Variants in ZMYND10 observed in about 807,000 individuals in gnomAD.
The protein encoded by ZMYND10 is zinc finger MYND-type containing 10.
In ZMYND10, 52 loss-of-function variants were observed where a neutral mutation model predicts 62.6. The observed-to-expected ratio is 0.83, with a 90% CI of 0.67 to 1.05. ZMYND10 has a LOEUF of 1.05. ZMYND10 is among the 50% of genes least tolerant of loss of function. The probability of loss-of-function intolerance (pLI) is 0.00; values close to 1 mark genes in which losing one functional copy is unlikely to be tolerated. For synonymous variants in ZMYND10, 197 were observed against 218.5 expected (o/e 0.90, Z 0.87); for missense variants, 438 against 543.3 (o/e 0.81, Z 1.93).
chr3:50,345,104 T>C lies in ZMYND10; in HGVS notation c.201+20A>G. 4 of 1,610,126 alleles carry C rather than the reference T, an allele frequency of 2.5e-6. No homozygotes were observed. Among genetic ancestry groups the C allele is most frequent in the Non-Finnish European group, 3.4e-6 (4 of 1,177,750 alleles). ...GAGGTATGGGGGAAGGCAGGAACCCTGCCTGTGACCTCGGGGTACCTTCCC... is the reference window on the plus strand; with the variant it reads ...GAGGTATGGGGGAAGGCAGGAACCCCGCCTGTGACCTCGGGGTACCTTCCC... On this transcript the variant is annotated intron_variant, in intron 2 of 11. Transcript: ENST00000231749. This position sits in a 1 kb window ranked among gnomAD's most constrained non-coding sequence, Gnocchi z 5.0.
chr3:50,341,206 C>G lies in ZMYND10; in HGVS notation c.*204G>C. On this transcript the variant is annotated 3_prime_UTR_variant, in exon 12 of 12. Transcript: ENST00000231749. ...GGTTTGCTGAAGCAACACACTTGGC[C>G]TACCCACTGGGTGGGGCAGGAAGTC... 1.5e-6 allele frequency: 1 copy of G among 685,278 alleles called. No homozygotes were observed. The highest frequency in any genetic ancestry group is 2.4e-6 in the Non-Finnish European group (1 of 411,214). 42.4% of individuals were successfully genotyped at this position (685,278 alleles called of 1,614,324 possible). A position where few individuals can be genotyped will look rare whatever the true frequency, so the allele number is the denominator to read the frequency against.
chr3:50,343,627 A>G lies in ZMYND10; in HGVS notation c.319-11T>C. 6.2e-7 allele frequency: 1 copy of G among 1,614,148 alleles called. No homozygotes were observed. The highest frequency in any genetic ancestry group is 8.5e-7 in the Non-Finnish European group (1 of 1,180,024). Reference sequence around the variant, plus strand: ...GGCCTCGTGGTGCACCTGTCAGATAAAGAGAAGGACAGGGCCTGAGGAAGG... The same window carrying G: ...GGCCTCGTGGTGCACCTGTCAGATAGAGAGAAGGACAGGGCCTGAGGAAGG... On this transcript the variant is annotated splice_polypyrimidine_tract_variant and intron_variant, in intron 3 of 11. Transcript: ENST00000231749.
chr3:50,341,491 G>T lies in ZMYND10; in HGVS notation c.1248-6C>A, dbSNP rs1198493283. On this transcript the variant is annotated splice_region_variant and splice_polypyrimidine_tract_variant and intron_variant, in intron 11 of 11. Transcript: ENST00000231749. ...AGTGCTTGACTTGGCACTCCCTGCA[G>T]GCAGGTGGGTATTGAGGATGGCAAT... 1.2e-6 allele frequency: 2 copies of T among 1,614,264 alleles called. No individual in the cohort carries two copies. Among genetic ancestry groups the T allele is most frequent in the Non-Finnish European group, 1.7e-6 (2 of 1,180,040 alleles).
At chr3:50,342,197 G>A in intron 8 of ZMYND10, 57 bp from the exon 9 acceptor site, 1 of 1,590,918 alleles carries the variant, frequency 6.3e-7, no homozygotes, top group Non-Finnish European at 8.6e-7. Context: ...GGGGGCCAAG[G>A]AAAAGGAAGG....
Position 50,343,339 on chromosome 3 carries a change from C to T in ZMYND10, c.478G>A (p.Gly160Arg), listed in dbSNP as rs201896308. ...AQSGCGGPPE[G>R]EGSQDSNPMQ... ...GGGTTGCTGTCCTGGGATCCCTCCC[C>T]CTCAGGGGGGCCACCACAGCCACTC... The change falls in exon 5 of 12, where the codon GGG becomes AGG. Residue 160 changes from glycine (G) to arginine (R), a missense_variant. Transcript: ENST00000231749. The T allele has an allele frequency of 4.1e-4, 654 of 1,612,846 alleles. 19 individuals carry two copies. The East Asian group carries it at 7.6e-3, about 19-fold the overall frequency.
intron 2 of ZMYND10, chr3:50,344,175 G>T: frequency 2.6e-6 from 1 of 381,988 alleles, no homozygotes; most frequent in South Asian, 2.5e-5. Flanking sequence ...TTCTCCTCAT[G>T]CCCTCCCTCT....
chr3:50,342,699 A>G, intron 7 of ZMYND10, 130 bp from the exon 8 acceptor site: 1 of 1,476,906 alleles, frequency 6.8e-7, no homozygotes, highest in Non-Finnish European at 9.0e-7. Context: ...CCCAGGCTAT[A>G]GGGCTGCTGA....
At chr3:50,344,959 C>G (rs908971440) in intron 2 of ZMYND10, 165 bp downstream of exon 2, 5 of 626,416 alleles carry the variant, frequency 8.0e-6, no homozygotes, top group Non-Finnish European at 1.4e-5. Flanking sequence ...TGCCAGAGTC[C>G]TGTCCAATAG....
chr3:50,341,554 A>G lies in ZMYND10; in HGVS notation c.1247+20T>C, dbSNP rs752441291. On this transcript the variant is annotated intron_variant, in intron 11 of 11. Transcript: ENST00000231749. ...TGTGGGAGTAGGGCTTAGAGGTCCA[A>G]GGTTCTAGGATACCCTCACCTGCAG... 1 of 1,614,076 alleles carries G rather than the reference A, an allele frequency of 6.2e-7. No homozygotes were observed. The highest frequency in any genetic ancestry group is 1.3e-5 in the African/African-American group (1 of 74,938).
In ZMYND10 at chr3:50,341,854, A is replaced by G. The variant is rs773686630; in HGVS notation, c.1077T>C (p.His359=). The G allele has an allele frequency of 7.4e-6, 12 of 1,614,126 alleles. No individual in the cohort carries two copies. Among genetic ancestry groups the G allele is most frequent in the Non-Finnish European group, 1.0e-5 (12 of 1,180,042 alleles). ...WQAIAKHQLQ[H]VFSPSEQDLR... is the part of the protein sequence containing the mutation. ...GGTCCTGCTCTGAGGGGCTGAACACATGCTGGAGCTGGTGCTTGGCAATTG... is the reference window on the plus strand; with the variant it reads ...GGTCCTGCTCTGAGGGGCTGAACACGTGCTGGAGCTGGTGCTTGGCAATTG... Residue 359 remains histidine (H), a synonymous_variant, in exon 10 of 12, where the codon CAT becomes CAC. Coordinates refer to ENST00000231749, the MANE Select transcript of ZMYND10 (RefSeq NM_015896.4).
chr3:50,345,600 G>T lies in ZMYND10; in HGVS notation c.-21C>A, dbSNP rs774259925. The T allele has an allele frequency of 2.4e-5, 37 of 1,567,024 alleles. No individual in the cohort carries two copies. In the South Asian group the frequency reaches 4.2e-4, roughly 18 times the overall value. On this transcript the variant is annotated 5_prime_UTR_variant, in exon 1 of 12. Coordinates refer to ENST00000231749, the MANE Select transcript of ZMYND10 (RefSeq NM_015896.4). This position sits in a 1 kb window ranked among gnomAD's most constrained non-coding sequence, Gnocchi z 5.0. ...CCCATATCGAGGCCGGGGTCCGGCG[G>T]ATCCTGGGCAGCAGCCGGGGTGGGG...
intron 2 of ZMYND10, among the ~76,000 whole-genome samples, chr3:50,344,582 A>G (rs1439813815): frequency 5.4e-5 from 8 of 148,522 alleles, no homozygotes; most frequent in Admixed American, 5.4e-4. Flanking sequence ...GCCTCCCAAA[A>G]TGCTGGGATA....
At position 50,342,054 on chromosome 3, in the gene ZMYND10, A is replaced by T. The variant is rs773864338; in HGVS notation, c.960T>A (p.Thr320=). The change falls in exon 9 of 12, where the codon ACT becomes ACA. Residue 320 remains threonine, a synonymous_variant. Transcript: ENST00000231749. ...LQSFLAHLTL[T]ETQPPKKDLV... ...GGTCCTTCTTAGGAGGCTGGGTTTC[A>T]GTTAGGGTCAGATGGGCCAGGAAAC... 3.7e-6 allele frequency: 6 copies of T among 1,614,144 alleles called. No homozygotes were observed. The East Asian group carries it at 1.3e-4, about 36-fold the overall frequency.
Position 50,343,364 on chromosome 3 carries a change from C to G in ZMYND10, c.453G>C (p.Gln151His). The G allele has an allele frequency of 1.2e-6, 2 of 1,613,638 alleles. No homozygotes were observed. The highest frequency in any genetic ancestry group is 1.7e-6 in the Non-Finnish European group (2 of 1,179,756). The change falls in exon 5 of 12, where the codon CAG becomes CAC. Residue 151 changes from glutamine (Q) to histidine (H), a missense_variant. By Grantham distance (24) the Gln-to-His change is conservative. Coordinates refer to ENST00000231749, the MANE Select transcript of ZMYND10 (RefSeq NM_015896.4). ...CHRKLTLLVA[Q>H]SGCGGPPEGE... ...CCTCAGGGGGGCCACCACAGCCACT[C>G]TGGGCCACCAGCAGGGTCAGTTTGC...
intron 2 of ZMYND10, among the ~76,000 whole-genome samples, chr3:50,344,310 CCTTT>C (rs1703476833): frequency 1.3e-5 from 2 of 148,954 alleles, no homozygotes; most frequent in Non-Finnish European, 2.9e-5. Flanking sequence ...TTGCAAAGGA[CCTTT>C]CTTTTTTTTT....
rs1262820582 is a variant in ZMYND10, at chr3:50,343,032, C to T, written c.600-14G>A. On this transcript the variant is annotated splice_polypyrimidine_tract_variant and intron_variant, in intron 6 of 11. Transcript: ENST00000231749. ...CTGAGAGAGAGGCTAGGGGCAGGGA[C>T]GTTGTGAAGGAGGTGAGTAGAGGCA... The T allele has an allele frequency of 1.4e-5, 22 of 1,614,020 alleles. No individual in the cohort carries two copies. Among genetic ancestry groups the T allele is most frequent in the Non-Finnish European group, 1.5e-5 (18 of 1,179,922 alleles).
At position 50,345,587 on chromosome 3, in the gene ZMYND10, C is replaced by T. The variant is rs781242880; in HGVS notation, c.-8G>A. On this transcript the variant is annotated 5_prime_UTR_variant, in exon 1 of 12. Transcript: ENST00000231749. This position sits in a 1 kb window ranked among gnomAD's most constrained non-coding sequence, Gnocchi z 5.0. ...CAGTTCCAGGTCTCCCATATCGAGG[C>T]CGGGGTCCGGCGGATCCTGGGCAGC... is the stretch of plus-strand genomic sequence containing the variant. The T allele has an allele frequency of 1.9e-6, 3 of 1,583,788 alleles. No homozygotes were observed. The South Asian group carries it at 3.5e-5, about 18-fold the overall frequency.
At position 50,345,703 on chromosome 3, in the gene ZMYND10, C is replaced by T. The variant is rs1340413827; in HGVS notation, c.-124G>A. 3 of 1,483,034 alleles carry T rather than the reference C, an allele frequency of 2.0e-6. No individual in the cohort carries two copies. In the East Asian group the frequency reaches 7.5e-5, roughly 37 times the overall value. 91.9% of individuals were successfully genotyped at this position (1,483,034 alleles called of 1,614,324 possible). ...GGACAGTTGCGGGACGGTTGGGGAGCGTCAGTTCTCGCAGCCATGGAAACG... is the reference window on the plus strand; with the variant it reads ...GGACAGTTGCGGGACGGTTGGGGAGTGTCAGTTCTCGCAGCCATGGAAACG... On this transcript the variant is annotated 5_prime_UTR_variant, in exon 1 of 12. Coordinates refer to ENST00000231749, the MANE Select transcript of ZMYND10 (RefSeq NM_015896.4). The surrounding 1 kb of genome is among the most constrained non-coding windows in gnomAD (Gnocchi z 5.0).
chr3:50,345,007 C>A lies in ZMYND10; in HGVS notation c.201+117G>T. On this transcript the variant is annotated intron_variant, in intron 2 of 11. Transcript: ENST00000231749. This position sits in a 1 kb window ranked among gnomAD's most constrained non-coding sequence, Gnocchi z 5.0. Reference sequence around the variant, plus strand: ...AAACATGTAACACATTCCTCTTTGTCCTTCAGGGAGAACAGGTGTACCAGG... The same window carrying A: ...AAACATGTAACACATTCCTCTTTGTACTTCAGGGAGAACAGGTGTACCAGG... 3.8e-6 allele frequency: 3 copies of A among 796,416 alleles called. No homozygotes were observed. In the South Asian group the frequency reaches 4.9e-5, roughly 13 times the overall value. 49.3% of individuals were successfully genotyped at this position (796,416 alleles called of 1,614,324 possible). A position where few individuals can be genotyped will look rare whatever the true frequency, so the allele number is the denominator to read the frequency against.
Sources: gnomAD v4.1 joint callset for allele counts (sites outside exome capture counted in the v4.1 genomes callset) on GRCh38, gnomAD v4.1.1 for gene constraint, Gnocchi (gnomAD v3.1) non-coding constraint, MANE v1.5 for transcripts, NCBI Gene and HGNC (gene_info 2026-07-23, HGNC 2026-07-21) for gene names.